SPATS2L: variants seen among roughly 807,000 people sequenced by gnomAD.
The protein encoded by SPATS2L is SPATS2-like protein.
Under a neutral mutation model 59.6 loss-of-function variants are expected in SPATS2L, and 30 were observed. The ratio of observed to expected loss-of-function variants is 0.50; its 90% CI spans 0.38 to 0.68. SPATS2L has a LOEUF of 0.68. Ranked by LOEUF, SPATS2L falls within the 30% of genes least tolerant of loss-of-function variation. The probability of loss-of-function intolerance (pLI) is 0.00; values close to 1 mark genes in which losing one functional copy is unlikely to be tolerated. For missense variants in SPATS2L, 615 were observed against 700.0 expected (o/e 0.88, Z 1.37); for synonymous variants, 252 against 263.5 (o/e 0.96, Z 0.42).
At chr2:200,473,849 A>G (rs1216951042) in intron 12 of SPATS2L, among the ~76,000 whole-genome samples, 1 of 151,838 alleles carries the variant, frequency 6.6e-6, no homozygotes, top group East Asian at 1.9e-4. Flanking sequence ...AAAACACAAA[A>G]TTTAGCCAGG....
chr2:200,314,124 T>C (rs1019437793), intron 1 of SPATS2L, among the ~76,000 whole-genome samples: 2 of 152,216 alleles, frequency 1.3e-5, no homozygotes, highest in Non-Finnish European at 2.9e-5. Context: ...AGCCTTGAAA[T>C]CTTATCTGAC....
intron 1 of SPATS2L, chr2:200,309,012 A>G: frequency 1.4e-6 from 1 of 717,656 alleles, no homozygotes; most frequent in South Asian, 1.5e-5. Context: ...AGGATCAGGG[A>G]AAGAAAATAC....
At chr2:200,417,193 C>G (rs2083100060) in intron 5 of SPATS2L, among the ~76,000 whole-genome samples, 1 of 152,198 alleles carries the variant, frequency 6.6e-6, no homozygotes, top group Non-Finnish European at 1.5e-5. Flanking sequence ...CGCCAGTCTA[C>G]CCTTCCCAGT....
Position 200,331,777 on chromosome 2 carries a change from A to G in SPATS2L, c.-23+2297A>G, listed in dbSNP as rs933410832. 9.8e-5 allele frequency among the ~76,000 whole-genome samples: 15 copies of G among 152,348 alleles called. No homozygotes were observed. In the East Asian group the frequency reaches 2.5e-3, roughly 25 times the overall value. On this transcript the variant is annotated intron_variant, in intron 2 of 12. Transcript: ENST00000409140. ...AGGTTGATATGTGGAAAGTCCTGGCACAATAAAAAATGTTAGTTATTTTGT... is the reference window on the plus strand; with the variant it reads ...AGGTTGATATGTGGAAAGTCCTGGCGCAATAAAAAATGTTAGTTATTTTGT...
At chr2:200,388,696 GA>G (rs1253798701) in intron 2 of SPATS2L, among the ~76,000 whole-genome samples, 3,534 of 133,632 alleles carry the variant, frequency 0.026, 121 homozygotes, top group African/African-American at 0.081. Flanking sequence ...TAGAAAAGTT[GA>G]AAAAAAAAAA....
chr2:200,418,315 G>A (rs2083151997), intron 5 of SPATS2L, among the ~76,000 whole-genome samples: 5 of 152,166 alleles, frequency 3.3e-5, no homozygotes, highest in Non-Finnish European at 7.3e-5. Context: ...GCTTGTGCCT[G>A]TAATCTCAGC....
chr2:200,357,250 A>G (rs546083979), intron 2 of SPATS2L, among the ~76,000 whole-genome samples: 2 of 152,184 alleles, frequency 1.3e-5, no homozygotes, highest in East Asian at 3.9e-4. Context: ...CTTCTGTAGG[A>G]TCGGTTACTA....
At chr2:200,385,697 ATT>A (rs1048488072) in intron 2 of SPATS2L, among the ~76,000 whole-genome samples, 1 of 145,456 alleles carries the variant, frequency 6.9e-6, no homozygotes, top group African/African-American at 2.5e-5. Context: ...TAAACTTAAA[ATT>A]TTTTTTTTTT....
chr2:200,382,439 G>A (rs1254111708), intron 2 of SPATS2L, among the ~76,000 whole-genome samples: 95 of 152,266 alleles, frequency 6.2e-4, no homozygotes, highest in East Asian at 1.9e-4. Context: ...GAGTGGTTTC[G>A]CACTGCAGTT....
At chr2:200,442,882 G>T (rs2084789902) in intron 8 of SPATS2L, among the ~76,000 whole-genome samples, 1 of 152,086 alleles carries the variant, frequency 6.6e-6, no homozygotes. Context: ...TTAAACTGAT[G>T]GAAAGAATCA....
At chr2:200,385,418 G>T (rs2081959915) in intron 2 of SPATS2L, among the ~76,000 whole-genome samples, 1 of 152,204 alleles carries the variant, frequency 6.6e-6, no homozygotes, top group Non-Finnish European at 1.5e-5. Context: ...GGCAGATATA[G>T]TTCATAGCAG....
At position 200,393,375 on chromosome 2, in the gene SPATS2L, G is replaced by T. The variant is rs1269181247; in HGVS notation, c.39+4092G>T. The T allele has an allele frequency of 1.3e-5, 6 of 455,912 alleles. No individual in the cohort carries two copies. The East Asian group carries it at 2.8e-4, about 21-fold the overall frequency. The allele number at this position is 455,912 out of a possible 1,614,324, so 28.2% of individuals were successfully genotyped here. A position where few individuals can be genotyped will look rare whatever the true frequency, so the allele number is the denominator to read the frequency against. On this transcript the variant is annotated intron_variant, in intron 3 of 12. Coordinates refer to ENST00000409140, the MANE Select transcript of SPATS2L (RefSeq NM_001100423.2). ...ATCTGTTAGCACACAGATCACAGAG[G>T]TTCAGTGTAAATGCTCCATGCATAG...
At chr2:200,418,944 C>T (rs1158928091) in intron 5 of SPATS2L, among the ~76,000 whole-genome samples, 17 of 152,180 alleles carry the variant, frequency 1.1e-4, no homozygotes, top group Non-Finnish European at 2.5e-4. Context: ...CCAGATTTTA[C>T]TATAGAACCT....
chr2:200,413,326 T>A (rs1339894223), intron 4 of SPATS2L, among the ~76,000 whole-genome samples: 1 of 152,236 alleles, frequency 6.6e-6, no homozygotes, highest in African/African-American at 2.4e-5. Flanking sequence ...TGCTTTATTT[T>A]AAAAATTTTG....
intron 1 of SPATS2L, among the ~76,000 whole-genome samples, chr2:200,319,069 G>T (rs2079472805): frequency 6.6e-6 from 1 of 152,090 alleles, no homozygotes; most frequent in Non-Finnish European, 1.5e-5. Flanking sequence ...TTCCCTGTTG[G>T]TCTTCCATCC....
intron 8 of SPATS2L, among the ~76,000 whole-genome samples, chr2:200,452,653 G>A (rs1441130955): frequency 6.6e-6 from 1 of 152,204 alleles, no homozygotes; most frequent in Non-Finnish European, 1.5e-5. Flanking sequence ...AGTCATTGAT[G>A]TTCATTGACA....
Position 200,458,388 on chromosome 2 carries a change from A to G in SPATS2L, c.789-1381A>G, listed in dbSNP as rs149187868. Among the ~76,000 whole-genome samples, 525 of 152,306 alleles carry G rather than the reference A, an allele frequency of 3.4e-3. 1 individual carries two copies. Among genetic ancestry groups the G allele is most frequent in the Non-Finnish European group, 5.9e-3 (398 of 68,022 alleles). ...AGTCTCATTTTTTTTCAGGTGGAGTAGTTCATATCGTATACTTCCATCAGC... is the reference window on the plus strand; with the variant it reads ...AGTCTCATTTTTTTTCAGGTGGAGTGGTTCATATCGTATACTTCCATCAGC... On this transcript the variant is annotated intron_variant, in intron 8 of 12. Transcript: ENST00000409140.
chr2:200,470,756 A>C (rs946712594), intron 11 of SPATS2L, among the ~76,000 whole-genome samples: 9 of 152,206 alleles, frequency 5.9e-5, no homozygotes, highest in Non-Finnish European at 1.0e-4. Flanking sequence ...ACTATACTGT[A>C]CTACACTGCA....
chr2:200,322,745 T>C (rs140436078), intron 1 of SPATS2L, among the ~76,000 whole-genome samples: 3 of 152,318 alleles, frequency 2.0e-5, no homozygotes, highest in East Asian at 3.9e-4. Flanking sequence ...AAAGGAGCAA[T>C]TGAAGTTGTC....
Sources: allele counts gnomAD v4.1 joint callset (sites outside exome capture counted in the v4.1 genomes callset), GRCh38; gene constraint gnomAD v4.1.1; transcripts MANE v1.5; gene names NCBI Gene and HGNC (gene_info 2026-07-23, HGNC 2026-07-21).